The following CSMD3 variants were observed in gnomAD, a reference collection of about 807,000 sequenced individuals.
CSMD3 encodes the protein CUB and sushi domain-containing protein 3.
CSMD3 carries 177 observed loss-of-function variants against 435.2 expected under a neutral mutation model. That is an observed-to-expected ratio of 0.41 (90% CI 0.36 to 0.46). The LOEUF (loss-of-function observed/expected upper bound fraction) is 0.46, where lower values mean the gene tolerates loss of function less well. Among genes scored for constraint, CSMD3 ranks in the 20% least tolerant of loss-of-function variants. The probability of loss-of-function intolerance (pLI) is 0.34; values close to 1 mark genes in which losing one functional copy is unlikely to be tolerated. For missense variants in CSMD3, 4,265 were observed against 4,504.6 expected (o/e 0.95, Z 1.52); for synonymous variants, 1,656 against 1,520.5 (o/e 1.09, Z -2.07).
chr8:112,806,049 A>C (rs867201696), intron 12 of CSMD3, among the ~76,000 whole-genome samples: 17 of 152,184 alleles, frequency 1.1e-4, no homozygotes, highest in African/African-American at 3.6e-4. Flanking sequence ...GCATCTGTTG[A>C]TGCTGAAGGC....
chr8:112,981,179 C>G (rs2085039287), intron 6 of CSMD3, among the ~76,000 whole-genome samples: 1 of 150,870 alleles, frequency 6.6e-6, no homozygotes, highest in Admixed American at 6.6e-5. Context: ...ACAATATAGC[C>G]TTGATTATAA....
At chr8:113,232,597 T>C (rs2093100815) in intron 3 of CSMD3, among the ~76,000 whole-genome samples, 1 of 151,772 alleles carries the variant, frequency 6.6e-6, no homozygotes, top group Non-Finnish European at 1.5e-5. Context: ...AGCAAAAACT[T>C]TTATTTTGTA....
chr8:112,296,706 GAAGC>G (rs1289322676), intron 53 of CSMD3, among the ~76,000 whole-genome samples: 5 of 151,902 alleles, frequency 3.3e-5, no homozygotes, highest in Admixed American at 6.6e-5. Flanking sequence ...ATGTTAAGAA[GAAGC>G]AAGGAGCAAA....
At chr8:113,215,839 TA>T (rs922664422) in intron 3 of CSMD3, among the ~76,000 whole-genome samples, 7 of 151,390 alleles carry the variant, frequency 4.6e-5, no homozygotes, top group South Asian at 4.1e-4. Flanking sequence ...TTTTTCTTTT[TA>T]AAAAAAAATT....
chr8:113,278,821 A>G, intron 2 of CSMD3, 117 bp from the exon 3 acceptor site: 4 of 644,722 alleles, frequency 6.2e-6, no homozygotes, highest in Non-Finnish European at 1.1e-5. Flanking sequence ...TATAATTTCC[A>G]GAAGGAATGC....
chr8:112,652,862 G>A (rs2075162147), intron 18 of CSMD3, among the ~76,000 whole-genome samples: 1 of 152,046 alleles, frequency 6.6e-6, no homozygotes, highest in Non-Finnish European at 1.5e-5. Context: ...AGGCTGGAAT[G>A]CAGTGGCTAA....
chr8:113,268,350 G>A (rs2093489710), intron 3 of CSMD3, among the ~76,000 whole-genome samples: 1 of 148,430 alleles, frequency 6.7e-6, no homozygotes, highest in Admixed American at 6.7e-5. Flanking sequence ...TTGTTTCTCA[G>A]AAGAACTTTT....
chr8:112,396,672 T>G (rs1481418674), intron 35 of CSMD3, among the ~76,000 whole-genome samples: 1 of 152,176 alleles, frequency 6.6e-6, no homozygotes. Flanking sequence ...AATAAAAGTT[T>G]GCTGAACACC....
chr8:112,587,011 T>A (rs1830785402), intron 23 of CSMD3, 55 bp downstream of exon 23: 1 of 1,189,468 alleles, frequency 8.4e-7, no homozygotes, highest in Non-Finnish European at 1.3e-6. Context: ...TATCTATTGA[T>A]GTATATTTAA....
At chr8:113,111,899 C>T (rs1403171602) in intron 4 of CSMD3, among the ~76,000 whole-genome samples, 1 of 151,918 alleles carries the variant, frequency 6.6e-6, no homozygotes, top group Non-Finnish European at 1.5e-5. Context: ...AGGCTGGTCT[C>T]GAACTCCTGA....
chr8:112,318,790 T>C (rs1003562597), intron 47 of CSMD3, 47 bp downstream of exon 47: 1 of 1,290,014 alleles, frequency 7.8e-7, no homozygotes, highest in African/African-American at 1.5e-5. Context: ...AAGTTAAACA[T>C]AAAGCAAATA....
intron 23 of CSMD3, among the ~76,000 whole-genome samples, chr8:112,579,641 A>C (rs1207687159): frequency 6.6e-6 from 1 of 152,046 alleles, no homozygotes; most frequent in Non-Finnish European, 1.5e-5. Context: ...TTCAACAATC[A>C]GCTCTCAAAA....
intron 59 of CSMD3, among the ~76,000 whole-genome samples, chr8:112,270,996 C>G (rs1817483456): frequency 6.6e-6 from 1 of 151,886 alleles, no homozygotes; most frequent in Admixed American, 6.6e-5. Context: ...CTCAAATCAC[C>G]CTACATTGAA....
At chr8:112,525,882 A>G (rs1824893183) in intron 27 of CSMD3, among the ~76,000 whole-genome samples, 1 of 142,704 alleles carries the variant, frequency 7.0e-6, no homozygotes, top group African/African-American at 2.5e-5. Flanking sequence ...TTTTATATAT[A>G]TAAATATATA....
At chr8:113,210,560 T>C (rs1460692982) in intron 3 of CSMD3, among the ~76,000 whole-genome samples, 1 of 151,938 alleles carries the variant, frequency 6.6e-6, no homozygotes, top group African/African-American at 2.4e-5. Context: ...TTTCTACTTT[T>C]ACTCTATATA....
At chr8:112,568,210 T>C (rs547030729) in intron 24 of CSMD3, among the ~76,000 whole-genome samples, 1 of 152,300 alleles carries the variant, frequency 6.6e-6, no homozygotes, top group East Asian at 1.9e-4. Context: ...AGAAATTTAT[T>C]TGGGAGAAGA....
chr8:113,234,757 C>T (rs2093128656), intron 3 of CSMD3, among the ~76,000 whole-genome samples: 1 of 152,064 alleles, frequency 6.6e-6, no homozygotes, highest in East Asian at 1.9e-4. Context: ...CATACAAGTT[C>T]AGTCTCTGGG....
At chr8:113,392,571 G>A (rs1229446525) in intron 1 of CSMD3, among the ~76,000 whole-genome samples, 1 of 152,024 alleles carries the variant, frequency 6.6e-6, no homozygotes, top group Non-Finnish European at 1.5e-5. Context: ...GTCAAAGCTA[G>A]GAGAGAAGAT....
chr8:113,399,673 A>T lies in CSMD3; in HGVS notation c.178+37004T>A, dbSNP rs542040450. ...AGGGGAGGATCGTGAGTGAATTCTA[A>T]TAGATACAGAGTTTCTTTGATGTGT... is the stretch of plus-strand genomic sequence containing the variant. On this transcript the variant is annotated intron_variant, in intron 1 of 70. Coordinates refer to ENST00000297405, the MANE Select transcript of CSMD3 (RefSeq NM_198123.2). 9.2e-5 allele frequency among the ~76,000 whole-genome samples: 14 copies of T among 151,988 alleles called. 1 individual carries two copies. Among genetic ancestry groups the T allele is most frequent in the Middle Eastern group, 3.4e-3 (1 of 294 alleles).
Sources: allele counts gnomAD v4.1 joint callset (sites outside exome capture counted in the v4.1 genomes callset), GRCh38; gene constraint gnomAD v4.1.1; transcripts MANE v1.5; gene names NCBI Gene and HGNC (gene_info 2026-07-23, HGNC 2026-07-21).